The following SLCO1A2 variants were observed in gnomAD, a reference collection of about 807,000 sequenced individuals.
The protein encoded by SLCO1A2 is OATP-1.
Under a neutral mutation model 69.0 loss-of-function variants are expected in SLCO1A2, and 67 were observed. The ratio of observed to expected loss-of-function variants is 0.97; its 90% CI spans 0.80 to 1.19. SLCO1A2 has a LOEUF of 1.19. SLCO1A2 is among the 50% of genes most tolerant of loss of function. The probability of loss-of-function intolerance (pLI) is 0.00; values close to 1 mark genes in which losing one functional copy is unlikely to be tolerated. For synonymous variants in SLCO1A2, 260 were observed against 265.9 expected (o/e 0.98, Z 0.22); for missense variants, 787 against 793.7 (o/e 0.99, Z 0.10).
chr12:21,302,196 C>G (rs1405986913), intron 6 of SLCO1A2, among the ~76,000 whole-genome samples: 1 of 152,096 alleles, frequency 6.6e-6, no homozygotes, highest in East Asian at 1.9e-4. Context: ...ACTTCCTCAC[C>G]TCTCACTCAC....
At chr12:21,369,395 C>T (rs1483689251) in intron 2 of SLCO1A2, among the ~76,000 whole-genome samples, 1 of 152,178 alleles carries the variant, frequency 6.6e-6, no homozygotes, top group Non-Finnish European at 1.5e-5. Flanking sequence ...TGTTTTTACT[C>T]TTGCCACCCT....
At chr12:21,334,084 T>C (rs1341266850) in intron 2 of SLCO1A2, among the ~76,000 whole-genome samples, 5 of 151,508 alleles carry the variant, frequency 3.3e-5, no homozygotes, top group Non-Finnish European at 5.9e-5. Flanking sequence ...GAATTTTCTC[T>C]GAAATAGAAA....
At chr12:21,345,196 G>T (rs1953213144) in intron 2 of SLCO1A2, among the ~76,000 whole-genome samples, 1 of 151,766 alleles carries the variant, frequency 6.6e-6, no homozygotes, top group African/African-American at 2.4e-5. Context: ...CACTTCTGAC[G>T]TTTATGGTGC....
At chr12:21,287,850 G>A (rs1591794838) in intron 12 of SLCO1A2, among the ~76,000 whole-genome samples, 2 of 103,362 alleles carry the variant, frequency 1.9e-5, no homozygotes, top group East Asian at 3.0e-4. Context: ...ATCACACTCT[G>A]GGGACTGTGG....
intron 1 of SLCO1A2, chr12:21,378,544 A>C: frequency 1.2e-6 from 1 of 832,376 alleles, no homozygotes; most frequent in South Asian, 1.4e-5. Flanking sequence ...GTTTGTTGCT[A>C]GGACATATAC....
At chr12:21,284,250 G>C (rs551016057) in intron 12 of SLCO1A2, among the ~76,000 whole-genome samples, 1 of 152,144 alleles carries the variant, frequency 6.6e-6, no homozygotes, top group Non-Finnish European at 1.5e-5. Context: ...AAAAAAGAAT[G>C]AGGGGGAGGA....
intron 8 of SLCO1A2, among the ~76,000 whole-genome samples, chr12:21,299,912 GTATA>G (rs1565482593): frequency 1.4e-5 from 2 of 145,388 alleles, no homozygotes; most frequent in Non-Finnish European, 3.0e-5. Context: ...ATACGTGTGT[GTATA>G]TATATACATG....
intron 2 of SLCO1A2, chr12:21,374,252 T>C (rs62723160): frequency 0.01 from 1,564 of 152,608 alleles, 18 homozygotes; most frequent in Middle Eastern, 0.071. Context: ...AAACTGTAAT[T>C]TATTTAAAGG....
At chr12:21,394,497 G>A (rs140026837) in intron 1 of SLCO1A2, among the ~76,000 whole-genome samples, 90 of 148,728 alleles carry the variant, frequency 6.1e-4, no homozygotes, top group African/African-American at 1.9e-3. Flanking sequence ...AGCTGTGATC[G>A]TACCACCACA....
At chr12:21,292,130 C>A (rs1027342788) in intron 12 of SLCO1A2, 34 bp downstream of exon 12, 3 of 1,469,328 alleles carry the variant, frequency 2.0e-6, no homozygotes, top group Admixed American at 2.4e-5. Context: ...TAAATGACCC[C>A]AAAAAAATAT....
intron 12 of SLCO1A2, among the ~76,000 whole-genome samples, chr12:21,283,359 A>C (rs953780838): frequency 6.6e-6 from 1 of 152,158 alleles, no homozygotes; most frequent in Non-Finnish European, 1.5e-5. Context: ...GGAAAATGGA[A>C]TTTCCATAAG....
At chr12:21,352,211 T>A (rs993767390) in intron 2 of SLCO1A2, among the ~76,000 whole-genome samples, 2 of 151,998 alleles carry the variant, frequency 1.3e-5, no homozygotes, top group Non-Finnish European at 2.9e-5. Flanking sequence ...CAGACCAACA[T>A]CCCCTAAACT....
intron 13 of SLCO1A2, 186 bp from the exon 14 acceptor site, chr12:21,274,772 G>C: frequency 1.5e-6 from 1 of 675,736 alleles, no homozygotes; most frequent in South Asian, 2.6e-5. Context: ...TAAAAGATAA[G>C]TAATCTTATG....
At chr12:21,373,960 T>C (rs563260181) in intron 2 of SLCO1A2, among the ~76,000 whole-genome samples, 1 of 152,242 alleles carries the variant, frequency 6.6e-6, no homozygotes, top group African/African-American at 2.4e-5. Context: ...CTAAAAGAAG[T>C]AGTTAAAAAG....
At chr12:21,394,452 G>A (rs1437326427) in intron 1 of SLCO1A2, among the ~76,000 whole-genome samples, 2 of 150,602 alleles carry the variant, frequency 1.3e-5, no homozygotes, top group South Asian at 2.1e-4. Flanking sequence ...GAGATGGGAG[G>A]ATCTCTTTAG....
intron 1 of SLCO1A2, chr12:21,376,425 A>T (rs1565522352): frequency 4.6e-6 from 1 of 217,388 alleles, no homozygotes; most frequent in Middle Eastern, 1.2e-3. Context: ...TTAAAGCATA[A>T]ATCACTCTTT....
chr12:21,385,185 A>C (rs1940815109), intron 1 of SLCO1A2, among the ~76,000 whole-genome samples: 1 of 152,150 alleles, frequency 6.6e-6, no homozygotes, highest in Non-Finnish European at 1.5e-5. Flanking sequence ...GTTTACGTGA[A>C]AGCTAGGAGG....
In SLCO1A2 at chr12:21,334,701, A is replaced by G; in HGVS notation, c.-54T>C. 7.0e-7 allele frequency: 1 copy of G among 1,426,622 alleles called. No individual in the cohort carries two copies. The highest frequency in any genetic ancestry group is 9.6e-7 in the Non-Finnish European group (1 of 1,038,348). 88.4% of individuals were successfully genotyped at this position (1,426,622 alleles called of 1,614,324 possible). A position where few individuals can be genotyped will look rare whatever the true frequency, so the allele number is the denominator to read the frequency against. On this transcript the variant is annotated 5_prime_UTR_variant, in exon 2 of 15. Coordinates refer to ENST00000683939, the MANE Select transcript of SLCO1A2 (RefSeq NM_001386879.1). The stretch of plus-strand genomic sequence containing the variant: ...TATGTTTTAAATCTTGATATGTCTT[A>G]CTTCTACCCTTTCAAGCAAACAAAA...
chr12:21,297,284 G>A (rs1565480121), intron 9 of SLCO1A2, 120 bp downstream of exon 9: 3 of 512,316 alleles, frequency 5.9e-6, no homozygotes, highest in Non-Finnish European at 9.8e-6. Flanking sequence ...TTAGAAGGAA[G>A]AAATCCACCA....
Sources: gnomAD v4.1 joint callset for allele counts (sites outside exome capture counted in the v4.1 genomes callset) on GRCh38, gnomAD v4.1.1 for gene constraint, MANE v1.5 for transcripts, NCBI Gene and HGNC (gene_info 2026-07-23, HGNC 2026-07-21) for gene names.